Variants in NRXN3 observed in about 807,000 individuals in gnomAD.
NRXN3 encodes neurexin 3.
In NRXN3, 32 loss-of-function variants were observed where a neutral mutation model predicts 137.6. That is an observed-to-expected ratio of 0.23 (90% CI 0.18 to 0.31). The LOEUF is 0.31. NRXN3 is among the 10% of genes least tolerant of loss of function. The pLI is 1.00. For missense variants in NRXN3, 1,574 were observed against 2,062.5 expected (o/e 0.76, Z 4.59); for synonymous variants, 798 against 784.5 (o/e 1.02, Z -0.29).
chr14:79,553,766 C>T (rs953276056), intron 16 of NRXN3, among the ~76,000 whole-genome samples: 1 of 152,182 alleles, frequency 6.6e-6, no homozygotes, highest in Non-Finnish European at 1.5e-5. Context: ...TTAGTATCCC[C>T]TCACTGAGTC....
At chr14:78,385,896 T>C (rs1158823623) in intron 4 of NRXN3, among the ~76,000 whole-genome samples, 1 of 152,182 alleles carries the variant, frequency 6.6e-6, no homozygotes, top group Non-Finnish European at 1.5e-5. Flanking sequence ...CCTTTAGGAC[T>C]ACCTGTGACA....
rs551961430 is a variant in NRXN3, at chr14:79,541,403, C to CA, written c.3444+74010dup. Reference sequence around the variant, plus strand: ...TGGGCAACAAGAGCGAAACTCATCTCAAAAAAAAAGATACTTGCCATTGGA... The same window carrying CA: ...TGGGCAACAAGAGCGAAACTCATCTCAAAAAAAAAAGATACTTGCCATTGGA... On this transcript the variant is annotated intron_variant, in intron 16 of 20. Transcript: ENST00000335750. 6.4e-4 allele frequency among the ~76,000 whole-genome samples: 96 copies of CA among 150,892 alleles called. 1 individual carries two copies. The highest frequency in any genetic ancestry group is 1.2e-3 in the Non-Finnish European group (79 of 67,644).
At chr14:79,181,655 C>A (rs893845513) in intron 15 of NRXN3, among the ~76,000 whole-genome samples, 2 of 142,746 alleles carry the variant, frequency 1.4e-5, no homozygotes, top group African/African-American at 5.3e-5. Context: ...CATTCCAGTC[C>A]TGGGCAACAG....
chr14:79,330,261 G>T (rs1040137426), intron 15 of NRXN3, among the ~76,000 whole-genome samples: 1 of 152,120 alleles, frequency 6.6e-6, no homozygotes, highest in East Asian at 1.9e-4. Flanking sequence ...TAACAACTTG[G>T]AGTATTAAGA....
At chr14:79,763,267 T>G (rs1300691355) in intron 19 of NRXN3, among the ~76,000 whole-genome samples, 1 of 151,722 alleles carries the variant, frequency 6.6e-6, no homozygotes, top group Non-Finnish European at 1.5e-5. Flanking sequence ...ATCCAGTCTA[T>G]CACTGATTGG....
At chr14:78,380,134 T>C (rs942004227) in intron 4 of NRXN3, among the ~76,000 whole-genome samples, 15 of 151,970 alleles carry the variant, frequency 9.9e-5, no homozygotes, top group Non-Finnish European at 1.9e-4. Context: ...AGCTAACATA[T>C]CATGACTTGG....
At chr14:78,311,354 C>T (rs1254701479) in intron 4 of NRXN3, among the ~76,000 whole-genome samples, 1 of 152,092 alleles carries the variant, frequency 6.6e-6, no homozygotes, top group South Asian at 2.1e-4. Context: ...TCCTGTGATC[C>T]CATTATGCTT....
In NRXN3 at chr14:79,261,420, A is replaced by G. The variant is rs749883783; in HGVS notation, c.3263-205801A>G. ...CTGTTCGGTTCCAGACTAGAGATGC[A>G]GAAAGGGCACAGAGAAGGAGAGATT... On this transcript the variant is annotated intron_variant, in intron 15 of 20. Coordinates refer to ENST00000335750, the MANE Select transcript of NRXN3 (RefSeq NM_001330195.2). Among the ~76,000 whole-genome samples, 19 of 152,276 alleles carry G rather than the reference A, an allele frequency of 1.2e-4. 1 individual carries two copies. Among genetic ancestry groups the G allele is most frequent in the Middle Eastern group, 6.8e-3 (2 of 294 alleles).
At chr14:79,396,322 T>G (rs772683215) in intron 15 of NRXN3, among the ~76,000 whole-genome samples, 51 of 151,982 alleles carry the variant, frequency 3.4e-4, no homozygotes, top group Non-Finnish European at 6.3e-4. Flanking sequence ...TCTACATATA[T>G]TTTACTAATA....
chr14:78,958,628 T>C (rs1385843414), intron 11 of NRXN3, among the ~76,000 whole-genome samples: 1 of 152,214 alleles, frequency 6.6e-6, no homozygotes, highest in African/African-American at 2.4e-5. Flanking sequence ...GTGCTGGGAT[T>C]ACAGGCGTGA....
In NRXN3 at chr14:78,653,558, TTATATAC is replaced by T. The variant is rs1163126403; in HGVS notation, c.1221+2234_1221+2240del. On this transcript the variant is annotated intron_variant, in intron 6 of 20. Coordinates refer to ENST00000335750, the MANE Select transcript of NRXN3 (RefSeq NM_001330195.2). ...ACAATTATATTGAGCTACCTCTCCA[TTATATAC>T]TTAGAGACAATGGAGCAATTTCCCA... 2.0e-5 allele frequency among the ~76,000 whole-genome samples: 3 copies of T among 152,168 alleles called. No individual in the cohort carries two copies. The East Asian group carries it at 5.8e-4, about 29-fold the overall frequency.
At chr14:78,532,303 A>T (rs2096475553) in intron 4 of NRXN3, among the ~76,000 whole-genome samples, 1 of 151,772 alleles carries the variant, frequency 6.6e-6, no homozygotes, top group Admixed American at 6.6e-5. Flanking sequence ...CCTGGGCAAT[A>T]AGAGCGAAAC....
chr14:78,241,598 C>A (rs1446092265), intron 1 of NRXN3, among the ~76,000 whole-genome samples: 1 of 148,026 alleles, frequency 6.8e-6, no homozygotes, highest in Non-Finnish European at 1.5e-5. Flanking sequence ...CTAGCCTGGG[C>A]AAAAGAGCAA....
chr14:79,023,493 T>A (rs2099593154), intron 15 of NRXN3, among the ~76,000 whole-genome samples: 1 of 151,634 alleles, frequency 6.6e-6, no homozygotes, highest in South Asian at 2.1e-4. Flanking sequence ...GGAAAAAACA[T>A]TTGTGTTGGG....
intron 4 of NRXN3, among the ~76,000 whole-genome samples, chr14:78,453,061 T>C (rs1029217850): frequency 6.6e-6 from 1 of 152,210 alleles, no homozygotes; most frequent in Non-Finnish European, 1.5e-5. Flanking sequence ...CCAAGTCCAA[T>C]AATGCCTCAT....
At chr14:79,220,376 A>G (rs898978900) in intron 15 of NRXN3, among the ~76,000 whole-genome samples, 1 of 152,220 alleles carries the variant, frequency 6.6e-6, no homozygotes, top group African/African-American at 2.4e-5. Flanking sequence ...TTCCTATGCC[A>G]TCACACATGA....
chr14:78,973,186 A>G (rs1007717142), intron 14 of NRXN3, among the ~76,000 whole-genome samples: 1 of 152,208 alleles, frequency 6.6e-6, no homozygotes, highest in African/African-American at 2.4e-5. Flanking sequence ...CCGTGACTAT[A>G]CATAAACATA....
chr14:78,397,960 A>T (rs1334387143), intron 4 of NRXN3, among the ~76,000 whole-genome samples: 1 of 150,388 alleles, frequency 6.6e-6, no homozygotes, highest in Non-Finnish European at 1.5e-5. Context: ...TATGCCTGTA[A>T]TCGCAGCACT....
intron 17 of NRXN3, among the ~76,000 whole-genome samples, chr14:79,671,601 G>A (rs1479686486): frequency 2.0e-5 from 3 of 152,008 alleles, no homozygotes; most frequent in East Asian, 1.9e-4. Flanking sequence ...CCATTTAATA[G>A]TCTTGCTTGG....
Sources: gnomAD v4.1 joint callset for allele counts (sites outside exome capture counted in the v4.1 genomes callset) on GRCh38, gnomAD v4.1.1 for gene constraint, MANE v1.5 for transcripts, NCBI Gene and HGNC (gene_info 2026-07-23, HGNC 2026-07-21) for gene names.